Variants in PPARGC1A observed in about 807,000 individuals in gnomAD.
PPARGC1A encodes peroxisome proliferator-activated receptor gamma coactivator 1-alpha.
A neutral mutation model predicts 88.7 loss-of-function variants in PPARGC1A; 25 were observed. That is an observed-to-expected ratio of 0.28 (90% CI 0.21 to 0.39). PPARGC1A has a LOEUF of 0.39. PPARGC1A is among the 10% of genes least tolerant of loss of function. PPARGC1A has a pLI of 1.00. For synonymous variants in PPARGC1A, 363 were observed against 355.6 expected (o/e 1.02, Z -0.24); for missense variants, 880 against 968.7 (o/e 0.91, Z 1.22).
the PPARGC1A span, among the ~76,000 whole-genome samples, chr4:24,064,855 T>A: frequency 6.6e-6 from 1 of 151,914 alleles, no homozygotes; most frequent in African/African-American, 2.4e-5. Context: ...TTCTAATCAC[T>A]CCCCTCAAGG....
chr4:23,825,498 C>T (rs1432854056), intron 5 of PPARGC1A, among the ~76,000 whole-genome samples: 1 of 152,040 alleles, frequency 6.6e-6, no homozygotes, highest in Non-Finnish European at 1.5e-5. Context: ...GTTGAAGAAA[C>T]TGAGACCCAA....
chr4:23,841,016 G>A (rs1726966588), intron 2 of PPARGC1A, among the ~76,000 whole-genome samples: 2 of 152,194 alleles, frequency 1.3e-5, no homozygotes, highest in Admixed American at 6.5e-5. Flanking sequence ...TGAACTCCTA[G>A]GCAGTGAATC....
chr4:24,094,190 T>C, the PPARGC1A span, among the ~76,000 whole-genome samples: 1 of 152,146 alleles, frequency 6.6e-6, no homozygotes, highest in East Asian at 1.9e-4. Context: ...ACAGGTGCCT[T>C]GGACAGTCAC....
the PPARGC1A span, among the ~76,000 whole-genome samples, chr4:24,267,031 G>A: frequency 6.6e-6 from 1 of 152,190 alleles, no homozygotes; most frequent in East Asian, 1.9e-4. Flanking sequence ...ACCTGAAACT[G>A]CATTCATCAG....
chr4:24,018,840 C>T, the PPARGC1A span, among the ~76,000 whole-genome samples: 2 of 151,824 alleles, frequency 1.3e-5, no homozygotes, highest in Admixed American at 6.6e-5. Context: ...TTAAAGTTTT[C>T]TTTTTTGCAA....
the PPARGC1A span, among the ~76,000 whole-genome samples, chr4:24,264,051 C>T: frequency 1.6e-4 from 25 of 151,982 alleles, no homozygotes; most frequent in African/African-American, 6.0e-4. Flanking sequence ...TTGCCCAGCT[C>T]TTATGATTTT....
chr4:23,854,995 G>A (rs1056220114), intron 2 of PPARGC1A, among the ~76,000 whole-genome samples: 1 of 152,132 alleles, frequency 6.6e-6, no homozygotes, highest in Non-Finnish European at 1.5e-5. Context: ...ACGTGTGTAG[G>A]AGGAACCCAG....
chr4:24,437,273 C>T, the PPARGC1A span, among the ~76,000 whole-genome samples: 1 of 152,210 alleles, frequency 6.6e-6, no homozygotes. Context: ...GAAGAGGCCA[C>T]AGCTCTAGGG....
At chr4:23,817,977 A>T (rs1234708772) in intron 7 of PPARGC1A, among the ~76,000 whole-genome samples, 1 of 152,088 alleles carries the variant, frequency 6.6e-6, no homozygotes, top group African/African-American at 2.4e-5. Flanking sequence ...ACTAGTTGTT[A>T]TTTCTCTAGC....
chr4:23,908,125 G>A (rs1720283938), upstream of PPARGC1A, among the ~76,000 whole-genome samples: 1 of 152,190 alleles, frequency 6.6e-6, no homozygotes. Flanking sequence ...TTGTGGAAAG[G>A]TACAGTGCAC....
the PPARGC1A span, among the ~76,000 whole-genome samples, chr4:24,265,402 CCA>C: frequency 1.3e-5 from 2 of 152,128 alleles, no homozygotes; most frequent in African/African-American, 4.8e-5. Flanking sequence ...ACAGGTAATT[CCA>C]CTATTTTCTG....
At chr4:24,133,951 C>T in the PPARGC1A span, among the ~76,000 whole-genome samples, 1 of 152,122 alleles carries the variant, frequency 6.6e-6, no homozygotes, top group Non-Finnish European at 1.5e-5. Context: ...TAACAATTAG[C>T]TCTAAGAAGT....
At chr4:24,203,291 C>T in the PPARGC1A span, among the ~76,000 whole-genome samples, 1 of 152,192 alleles carries the variant, frequency 6.6e-6, no homozygotes, top group Non-Finnish European at 1.5e-5. Context: ...GTAATCCCAG[C>T]ACTTTGGGAG....
intron 1 of PPARGC1A, among the ~76,000 whole-genome samples, chr4:23,896,075 A>T (rs778067034): frequency 6.6e-6 from 1 of 151,874 alleles, no homozygotes; most frequent in Non-Finnish European, 1.5e-5. Flanking sequence ...TGTTCAAAAT[A>T]CATTAGGGTT....
chr4:24,110,711 G>C, the PPARGC1A span, among the ~76,000 whole-genome samples: 1 of 152,106 alleles, frequency 6.6e-6, no homozygotes, highest in Non-Finnish European at 1.5e-5. Context: ...ACTAACACTT[G>C]ACAGGCACAT....
rs148026158 is a variant in PPARGC1A, at chr4:23,829,247, C to G, written c.552+216G>C. Among the ~76,000 whole-genome samples the G allele has an allele frequency of 3.2e-4, 48 of 152,300 alleles. 1 individual carries two copies. In the East Asian group the frequency reaches 9.3e-3, roughly 29 times the overall value. ...CAAGAACTAACAGACAGTGGCACTT[C>G]CATTCCAAACACCCAAAGACGATGC... On this transcript the variant is annotated intron_variant, in intron 4 of 12. Coordinates refer to ENST00000264867, the MANE Select transcript of PPARGC1A (RefSeq NM_013261.5).
At chr4:24,074,016 G>A in the PPARGC1A span, among the ~76,000 whole-genome samples, 1 of 152,128 alleles carries the variant, frequency 6.6e-6, no homozygotes. Context: ...TTCCTCACCT[G>A]CGTAGAGGGT....
At chr4:24,173,353 A>G in the PPARGC1A span, among the ~76,000 whole-genome samples, 9 of 152,086 alleles carry the variant, frequency 5.9e-5, no homozygotes, top group East Asian at 1.9e-4. Flanking sequence ...AAAAAAAAAA[A>G]AAAAGAAAAA....
chr4:24,258,153 T>G, the PPARGC1A span: 11 of 889,064 alleles, frequency 1.2e-5, no homozygotes, highest in South Asian at 5.2e-4. Context: ...ATTTGGTATT[T>G]GCACTTCAGA....
Sources: allele counts gnomAD v4.1 joint callset (sites outside exome capture counted in the v4.1 genomes callset), GRCh38; gene constraint gnomAD v4.1.1; transcripts MANE v1.5; gene names NCBI Gene and HGNC (gene_info 2026-07-23, HGNC 2026-07-21).